The following CHRNA3 variants were observed in gnomAD, a reference collection of about 807,000 sequenced individuals.
CHRNA3 encodes the protein neuronal acetylcholine receptor subunit alpha-3.
In CHRNA3, 34 loss-of-function variants were observed where a neutral mutation model predicts 41.9. That is an observed-to-expected ratio of 0.81 (90% CI 0.62 to 1.08). The LOEUF (loss-of-function observed/expected upper bound fraction) is 1.08. CHRNA3 is among the 50% of genes least tolerant of loss of function. The pLI, the probability that CHRNA3 is intolerant of heterozygous loss-of-function variation, is 0.00. For synonymous variants in CHRNA3, 281 were observed against 265.2 expected (o/e 1.06, Z -0.58); for missense variants, 542 against 638.3 (o/e 0.85, Z 1.63).
chr15:78,607,232 A>G (rs2053304632), intron 4 of CHRNA3, among the ~76,000 whole-genome samples: 1 of 152,060 alleles, frequency 6.6e-6, no homozygotes, highest in Non-Finnish European at 1.5e-5. Context: ...AAAAAAAAAA[A>G]AAAGATTTTC....
downstream of CHRNA3, chr15:78,593,507 T>C (rs2053045897): frequency 3.8e-6 from 1 of 266,162 alleles, no homozygotes; most frequent in Non-Finnish European, 7.0e-6. Context: ...AAAAATCTAG[T>C]ATTTGTATCC....
rs749572898 is a variant in CHRNA3 at position 78,601,320 on chromosome 15, AT to A, written c.1321del (p.Ile441SerfsTer15). The A allele has an allele frequency of 6.2e-7, 1 of 1,614,162 alleles. No homozygotes were observed. Among genetic ancestry groups the A allele is most frequent in the South Asian group, 1.1e-5 (1 of 91,076 alleles). ...VLSLSALSPE[I>X]KEAIQSVKYI... Reference sequence around the variant, plus strand: ...CTTGACACTTTGGATGGCTTCTTTGATTTCTGGTGACAAAGCAGAGAGGGAC... The same window carrying A: ...CTTGACACTTTGGATGGCTTCTTTGATTCTGGTGACAAAGCAGAGAGGGAC... On this transcript the variant is annotated frameshift_variant, in exon 5 of 6. Coordinates refer to ENST00000326828, the MANE Select transcript of CHRNA3 (RefSeq NM_000743.5). LOFTEE classifies it high-confidence loss of function.
chr15:78,616,020 G>C (rs1303450328), intron 4 of CHRNA3, among the ~76,000 whole-genome samples: 2 of 150,042 alleles, frequency 1.3e-5, no homozygotes, highest in East Asian at 4.1e-4. Context: ...GGGATTACAG[G>C]CATCAGCCAC....
At chr15:78,601,182 T>TGC (rs1250742405) in intron 5 of CHRNA3, 71 bp downstream of exon 5, 17 of 1,503,442 alleles carry the variant, frequency 1.1e-5, no homozygotes, top group Non-Finnish European at 1.5e-5. Context: ...CCCTATGCCT[T>TGC]GCCCCACGAG....
At chr15:78,606,716 A>G (rs902405261) in intron 4 of CHRNA3, among the ~76,000 whole-genome samples, 2 of 151,658 alleles carry the variant, frequency 1.3e-5, no homozygotes, top group African/African-American at 4.8e-5. Context: ...TAACACAGTG[A>G]AACCCCGTCT....
chr15:78,620,567 A>G, intron 1 of CHRNA3, 146 bp downstream of exon 1: 1 of 1,309,256 alleles, frequency 7.6e-7, no homozygotes, highest in Non-Finnish European at 9.8e-7. Flanking sequence ...GCCGGGCTGG[A>G]GCCAGTCTGC....
intron 4 of CHRNA3, among the ~76,000 whole-genome samples, chr15:78,605,590 G>C (rs902353743): frequency 6.6e-5 from 10 of 152,164 alleles, no homozygotes; most frequent in Non-Finnish European, 1.3e-4. Context: ...CAATTTGTGG[G>C]CAAGAACCAA....
At chr15:78,610,522 A>G (rs931146940) in intron 4 of CHRNA3, among the ~76,000 whole-genome samples, 2 of 152,116 alleles carry the variant, frequency 1.3e-5, no homozygotes, top group Non-Finnish European at 2.9e-5. Context: ...GTTCTTTGAA[A>G]CCAATGAGAA....
intron 4 of CHRNA3, among the ~76,000 whole-genome samples, chr15:78,604,149 G>A (rs2053247934): frequency 6.6e-6 from 1 of 152,152 alleles, no homozygotes; most frequent in Non-Finnish European, 1.5e-5. Context: ...AAAATCTGGG[G>A]GGAATAGTGC....
chr15:78,598,900 C>T (rs1183664056), intron 5 of CHRNA3, among the ~76,000 whole-genome samples: 1 of 144,676 alleles, frequency 6.9e-6, no homozygotes, highest in East Asian at 2.0e-4. Flanking sequence ...GTGGTGTGAT[C>T]TTGGCTCACT....
chr15:78,614,775 T>A (rs886964642), intron 4 of CHRNA3, among the ~76,000 whole-genome samples: 1 of 152,210 alleles, frequency 6.6e-6, no homozygotes, highest in Non-Finnish European at 1.5e-5. Flanking sequence ...AAAAATGATA[T>A]TCTTCAATAC....
intron 4 of CHRNA3, among the ~76,000 whole-genome samples, chr15:78,614,018 G>A (rs936883412): frequency 6.6e-6 from 1 of 152,166 alleles, no homozygotes; most frequent in African/African-American, 2.4e-5. Context: ...TTCTAACTAG[G>A]AGAAGAGAGA....
intron 4 of CHRNA3, among the ~76,000 whole-genome samples, chr15:78,612,391 A>G (rs2053393069): frequency 6.9e-6 from 1 of 144,134 alleles, no homozygotes; most frequent in Non-Finnish European, 1.5e-5. Context: ...GGAACAGAAC[A>G]GAGCCCTCAG....
Position 78,595,892 on chromosome 15 carries a change from A to ACCCCCC in CHRNA3, c.*711_*712insGGGGGG, listed in dbSNP as rs10637216. On this transcript the variant is annotated 3_prime_UTR_variant, in exon 6 of 6. Coordinates refer to ENST00000326828, the MANE Select transcript of CHRNA3 (RefSeq NM_000743.5). The stretch of plus-strand genomic sequence containing the variant: ...TCATGTGAGGACACAGCTAGAAGGC[A>ACCCCCC]CCCTTTGAGGAAGAGGACCCTCACC... 1 of 176,242 alleles carries ACCCCCC rather than the reference A, an allele frequency of 5.7e-6. No homozygotes were observed. The highest frequency in any genetic ancestry group is 1.9e-4 in the East Asian group (1 of 5,198). The allele number at this position is 176,242 out of a possible 1,614,324, so 10.9% of individuals were successfully genotyped here. A position where few individuals can be genotyped will look rare whatever the true frequency, so the allele number is the denominator to read the frequency against.
intron 5 of CHRNA3, among the ~76,000 whole-genome samples, chr15:78,600,263 C>CG (rs2053177434): frequency 6.6e-6 from 1 of 151,972 alleles, no homozygotes; most frequent in East Asian, 1.9e-4. Flanking sequence ...CTGTTAGAGA[C>CG]GGGGTTTCGC....
intron 4 of CHRNA3, among the ~76,000 whole-genome samples, chr15:78,607,259 A>AGCC: frequency 6.6e-6 from 1 of 151,814 alleles, no homozygotes; most frequent in East Asian, 1.9e-4. Context: ...GATAAAGAGG[A>AGCC]GCCAAGAATT....
chr15:78,616,122 GCAGA>G (rs1219228420), intron 4 of CHRNA3, among the ~76,000 whole-genome samples: 4 of 151,500 alleles, frequency 2.6e-5, no homozygotes, highest in Admixed American at 6.6e-5. Context: ...GGAGGCCAAG[GCAGA>G]CAGATTGCTT....
At chr15:78,598,084 G>C (rs1000254362) in intron 5 of CHRNA3, among the ~76,000 whole-genome samples, 1 of 152,154 alleles carries the variant, frequency 6.6e-6, no homozygotes, top group African/African-American at 2.4e-5. Context: ...AGGAGGCAGA[G>C]GTGTGGAAAA....
At chr15:78,600,042 T>A (rs112712252) in intron 5 of CHRNA3, 1 of 149,226 alleles carries the variant, frequency 6.7e-6, no homozygotes, top group African/African-American at 2.5e-5. Flanking sequence ...TAGGTAAAAC[T>A]AATCAATTAT....
Sources: gnomAD v4.1 joint callset for allele counts (sites outside exome capture counted in the v4.1 genomes callset) on GRCh38, gnomAD v4.1.1 for gene constraint, MANE v1.5 for transcripts, NCBI Gene and HGNC (gene_info 2026-07-23, HGNC 2026-07-21) for gene names.